Variants in CARMIL1 observed in about 807,000 individuals in gnomAD.
CARMIL1 encodes the protein F-actin-uncapping protein LRRC16A.
In CARMIL1, 90 loss-of-function variants were observed where a neutral mutation model predicts 177.1. That is an observed-to-expected ratio of 0.51 (90% CI 0.43 to 0.61). The LOEUF (loss-of-function observed/expected upper bound fraction) is 0.61, where lower values mean the gene tolerates loss of function less well. Ranked by LOEUF, CARMIL1 falls within the 20% of genes least tolerant of loss-of-function variation. The pLI, the probability that CARMIL1 is intolerant of heterozygous loss-of-function variation, is 0.00. For synonymous variants in CARMIL1, 577 were observed against 606.2 expected (o/e 0.95, Z 0.71); for missense variants, 1,380 against 1,667.0 (o/e 0.83, Z 3.00).
intron 2 of CARMIL1, chr6:25,287,300 A>G (rs1295037263): frequency 6.6e-6 from 1 of 152,196 alleles, no homozygotes; most frequent in African/African-American, 2.4e-5. Flanking sequence ...TAAAAGTAGG[A>G]GTGTGCTGTA....
At chr6:25,459,220 T>G (rs1005535065) in intron 8 of CARMIL1, among the ~76,000 whole-genome samples, 2 of 70,646 alleles carry the variant, frequency 2.8e-5, no homozygotes, top group Non-Finnish European at 5.4e-5. Context: ...TTTTCTTTCT[T>G]TCTTTCTTTC....
At chr6:25,581,192 A>T in intron 30 of CARMIL1, 51 bp from the exon 31 acceptor site, 1 of 1,551,530 alleles carries the variant, frequency 6.4e-7, no homozygotes, top group Non-Finnish European at 8.8e-7. Context: ...ATCTCTATGC[A>T]TTAAGCTTTG....
chr6:25,538,615 T>C (rs1170076431), intron 25 of CARMIL1, among the ~76,000 whole-genome samples: 1 of 152,108 alleles, frequency 6.6e-6, no homozygotes, highest in Non-Finnish European at 1.5e-5. Context: ...ATTTGGTCTT[T>C]GTCCCTGGTT....
At chr6:25,285,454 G>T (rs1781452350) in intron 2 of CARMIL1, among the ~76,000 whole-genome samples, 1 of 152,176 alleles carries the variant, frequency 6.6e-6, no homozygotes, top group South Asian at 2.1e-4. Context: ...TGGACTTGGG[G>T]TTCCTTCTAG....
At position 25,488,544 on chromosome 6, in the gene CARMIL1, C is replaced by T. The variant is rs1802891773; in HGVS notation, c.1024C>T (p.Leu342Phe). ...NPLTASTLVH[L>F]DLSGNVLRGD... ...ATTGACCGCCTCTACCCTTGTCCAC[C>T]TCGACCTCTCAGGGAACGTCCTTCG... Residue 342 changes from leucine (L) to phenylalanine (F), a missense_variant, in exon 13 of 37, where the codon CTC becomes TTC. Leu to Phe is a conservative substitution (Grantham distance 22, BLOSUM62 0). Transcript: ENST00000329474. 1.9e-6 allele frequency: 3 copies of T among 1,614,018 alleles called. No individual in the cohort carries two copies. The highest frequency in any genetic ancestry group is 8.5e-7 in the Non-Finnish European group (1 of 1,179,874).
intron 27 of CARMIL1, 81 bp downstream of exon 27, chr6:25,551,166 G>C: frequency 9.1e-7 from 1 of 1,099,812 alleles, no homozygotes; most frequent in Non-Finnish European, 1.3e-6. Flanking sequence ...GGTTATTGTT[G>C]GCTGTATCCA....
intron 2 of CARMIL1, among the ~76,000 whole-genome samples, chr6:25,379,849 G>A (rs765903643): frequency 6.6e-6 from 1 of 152,056 alleles, no homozygotes; most frequent in Non-Finnish European, 1.5e-5. Flanking sequence ...AACTCATTTT[G>A]TTAAATACCA....
intron 2 of CARMIL1, among the ~76,000 whole-genome samples, chr6:25,331,041 A>G (rs1164716818): frequency 1.3e-5 from 2 of 152,112 alleles, no homozygotes; most frequent in East Asian, 1.9e-4. Flanking sequence ...TTCTATGGGA[A>G]ATCATTCTTC....
chr6:25,598,576 A>G (rs568395511), intron 32 of CARMIL1, among the ~76,000 whole-genome samples: 1 of 152,034 alleles, frequency 6.6e-6, no homozygotes, highest in Admixed American at 6.5e-5. Context: ...TTAATCCACT[A>G]ATTTCTACCT....
At chr6:25,421,979 C>T (rs1403308608) in intron 3 of CARMIL1, among the ~76,000 whole-genome samples, 4 of 151,124 alleles carry the variant, frequency 2.6e-5, no homozygotes, top group African/African-American at 7.3e-5. Context: ...ATGTAACTAA[C>T]CTGCACATTG....
chr6:25,309,141 G>A (rs1301692339), intron 2 of CARMIL1, among the ~76,000 whole-genome samples: 1 of 152,046 alleles, frequency 6.6e-6, no homozygotes, highest in Non-Finnish European at 1.5e-5. Flanking sequence ...TCCCGCCTAG[G>A]CCTCTTAAAG....
Position 25,520,233 on chromosome 6 carries a change from C to T in CARMIL1, c.1875-11C>T. The T allele has an allele frequency of 7.6e-7, 1 of 1,322,512 alleles. No individual in the cohort carries two copies. Among genetic ancestry groups the T allele is most frequent in the Non-Finnish European group, 1.0e-6 (1 of 958,468 alleles). The allele number at this position is 1,322,512 out of a possible 1,614,324, so 81.9% of individuals were successfully genotyped here. A position where few individuals can be genotyped will look rare whatever the true frequency, so the allele number is the denominator to read the frequency against. ...TTTTTAAATAAGTATATTATTTTCT[C>T]CTTTTTCTAGGAACTACACATTAAG... is the stretch of plus-strand genomic sequence containing the variant. On this transcript the variant is annotated splice_polypyrimidine_tract_variant and intron_variant, in intron 22 of 36. Coordinates refer to ENST00000329474, the MANE Select transcript of CARMIL1 (RefSeq NM_017640.6).
Position 25,459,265 on chromosome 6 carries a change from T to TCTTTCTTTCTTTCTTTTCTTTCTTTC in CARMIL1, c.615-6604_615-6603insCTTTCTTTCTTTTCTTTCTTTCCTTT, listed in dbSNP as rs1562167771. 2.5e-4 allele frequency among the ~76,000 whole-genome samples: 29 copies of TCTTTCTTTCTTTCTTTTCTTTCTTTC among 115,284 alleles called. 2 individuals are homozygous for TCTTTCTTTCTTTCTTTTCTTTCTTTC. Among genetic ancestry groups the TCTTTCTTTCTTTCTTTTCTTTCTTTC allele is most frequent in the Non-Finnish European group, 4.6e-4 (25 of 53,826 alleles). The allele number at this position is 115,284 out of a possible 152,430, so 75.6% of individuals were successfully genotyped here. On this transcript the variant is annotated intron_variant, in intron 8 of 36. Transcript: ENST00000329474. ...TTCTTTCTTTCTTTCTTTCTTTCTT[T>TCTTTCTTTCTTTCTTTTCTTTCTTTC]CTTTTTTTTTTTTTTAAGACAGGGT...
At chr6:25,287,478 A>C (rs1328281445) in intron 2 of CARMIL1, 1 of 152,856 alleles carries the variant, frequency 6.5e-6, no homozygotes, top group Non-Finnish European at 1.5e-5. Flanking sequence ...AGAGCAAAGA[A>C]ATCTATAATG....
chr6:25,301,653 G>A (rs925024234), intron 2 of CARMIL1, among the ~76,000 whole-genome samples: 19 of 152,270 alleles, frequency 1.2e-4, no homozygotes, highest in Non-Finnish European at 1.5e-4. Flanking sequence ...ATGCTGCTTC[G>A]TTGAAGCAGT....
At chr6:25,338,792 A>G (rs1786566077) in intron 2 of CARMIL1, among the ~76,000 whole-genome samples, 1 of 152,124 alleles carries the variant, frequency 6.6e-6, no homozygotes. Flanking sequence ...TTATGGAAGG[A>G]TTTTACACTT....
At chr6:25,559,969 G>A (rs761145526) in intron 29 of CARMIL1, among the ~76,000 whole-genome samples, 2 of 152,166 alleles carry the variant, frequency 1.3e-5, no homozygotes, top group Non-Finnish European at 2.9e-5. Flanking sequence ...GGCATGTTAT[G>A]TGTAGAAATT....
Position 25,458,151 on chromosome 6 carries a change from T to G in CARMIL1, c.614+7440T>G, listed in dbSNP as rs999719357. 2.0e-5 allele frequency among the ~76,000 whole-genome samples: 3 copies of G among 152,172 alleles called. No individual in the cohort carries two copies. In the South Asian group the frequency reaches 6.2e-4, roughly 32 times the overall value. On this transcript the variant is annotated intron_variant, in intron 8 of 36. Coordinates refer to ENST00000329474, the MANE Select transcript of CARMIL1 (RefSeq NM_017640.6). ...TTAATAGGTTATCTAGAATGTAGAG[T>G]AGCGAAGAATTTGGCAAGAGATCTA...
chr6:25,587,707 T>G (rs1483623127), intron 31 of CARMIL1, among the ~76,000 whole-genome samples: 1 of 152,226 alleles, frequency 6.6e-6, no homozygotes, highest in Admixed American at 6.5e-5. Context: ...TTCAAAGGGA[T>G]TCTTACCCAT....
Sources: allele counts gnomAD v4.1 joint callset (sites outside exome capture counted in the v4.1 genomes callset), GRCh38; gene constraint gnomAD v4.1.1; transcripts MANE v1.5; gene names NCBI Gene and HGNC (gene_info 2026-07-23, HGNC 2026-07-21).